The following VAC14 variants were observed in gnomAD, a reference collection of about 807,000 sequenced individuals.
The protein encoded by VAC14 is VAC14 component of PIKFYVE complex.
In VAC14, 47 loss-of-function variants were observed where a neutral mutation model predicts 85.3. The ratio of observed to expected loss-of-function variants is 0.55; its 90% CI spans 0.44 to 0.70. The LOEUF (loss-of-function observed/expected upper bound fraction) is 0.70. VAC14 is among the 30% of genes least tolerant of loss of function. VAC14 has a pLI of 0.00. For missense variants in VAC14, 861 were observed against 1,004.3 expected (o/e 0.86, Z 1.93); for synonymous variants, 447 against 430.5 (o/e 1.04, Z -0.47).
intron 9 of VAC14, among the ~76,000 whole-genome samples, chr16:70,779,899 ATCATAGC>A (rs1244145930): frequency 6.6e-6 from 1 of 151,674 alleles, no homozygotes; most frequent in Admixed American, 6.6e-5. Flanking sequence ...CAGTGGTGTG[ATCATAGC>A]TCACTGCAAC....
Position 70,762,253 on chromosome 16 carries a change from G to A in VAC14, c.1371+287C>T, listed in dbSNP as rs983554693. ...CTCCTGAGCAGCTGGGAGTACAGGC[G>A]TGCACCACCACGCCCGGCTAATTTT... is the stretch of plus-strand genomic sequence containing the variant. On this transcript the variant is annotated intron_variant, in intron 12 of 18. Coordinates refer to ENST00000261776, the MANE Select transcript of VAC14 (RefSeq NM_018052.5). The surrounding 1 kb of genome is among the most constrained non-coding windows in gnomAD (Gnocchi z 4.1). Among the ~76,000 whole-genome samples, 4 of 152,050 alleles carry A rather than the reference G, an allele frequency of 2.6e-5. No homozygotes were observed. Among genetic ancestry groups the A allele is most frequent in the Non-Finnish European group, 4.4e-5 (3 of 68,002 alleles).
chr16:70,689,018 G>A (rs1296858616), intron 18 of VAC14: 4 of 985,210 alleles, frequency 4.1e-6, no homozygotes, highest in Middle Eastern at 1.0e-3. Flanking sequence ...CAGCTAAGCA[G>A]AGAGTCTTGG....
chr16:70,756,110 C>T (rs753705656), intron 12 of VAC14: 5 of 456,686 alleles, frequency 1.1e-5, no homozygotes, highest in South Asian at 6.2e-5. Flanking sequence ...ATCTGTGGAC[C>T]GGATGGCATG....
At chr16:70,755,876 G>A (rs1020540551) in intron 12 of VAC14, 3 of 391,464 alleles carry the variant, frequency 7.7e-6, no homozygotes, top group African/African-American at 6.2e-5. Context: ...GGAGAGAGCA[G>A]CCCCAGCCAC....
At chr16:70,756,538 G>A (rs1460366759) in intron 12 of VAC14, among the ~76,000 whole-genome samples, 2 of 152,336 alleles carry the variant, frequency 1.3e-5, no homozygotes, top group South Asian at 2.1e-4. Context: ...GTGAGGGGCT[G>A]AGAGGCCCAA....
chr16:70,710,258 C>T (rs2054002909), intron 14 of VAC14, among the ~76,000 whole-genome samples: 1 of 152,228 alleles, frequency 6.6e-6, no homozygotes, highest in African/African-American at 2.4e-5. Context: ...GGACACAGAC[C>T]TCCCTTCCCT....
intron 13 of VAC14, among the ~76,000 whole-genome samples, chr16:70,738,834 G>C (rs973807547): frequency 5.3e-5 from 8 of 152,184 alleles, no homozygotes; most frequent in Non-Finnish European, 8.8e-5. Context: ...TATTCAAACT[G>C]AGCTGATGAC....
intron 13 of VAC14, 73 bp downstream of exon 13, chr16:70,744,350 C>G: frequency 2.5e-6 from 4 of 1,583,626 alleles, no homozygotes; most frequent in Non-Finnish European, 3.4e-6. Flanking sequence ...CCCAAAGGAC[C>G]GCCATGGTCC....
At chr16:70,739,920 G>A (rs1473539558) in intron 13 of VAC14, among the ~76,000 whole-genome samples, 1 of 152,096 alleles carries the variant, frequency 6.6e-6, no homozygotes, top group East Asian at 1.9e-4. Context: ...AAAACACCTT[G>A]GACCACTGAG....
intron 17 of VAC14, among the ~76,000 whole-genome samples, chr16:70,695,207 G>T (rs2053681492): frequency 6.6e-6 from 1 of 151,704 alleles, no homozygotes; most frequent in African/African-American, 2.4e-5. Context: ...AACCTCCTGG[G>T]CTCAAGTGAT....
chr16:70,715,615 C>G (rs2054148726), intron 14 of VAC14: 1 of 152,300 alleles, frequency 6.6e-6, no homozygotes, highest in South Asian at 2.1e-4. Flanking sequence ...GAGGCGAGCG[C>G]TCTTGCCCGG....
rs1339343892 is a variant in VAC14 at position 70,687,852 on chromosome 16, G to C, written c.*76C>G. ...CCCTGGTCCTGACAGGCAGGTCCTT[G>C]AGCTCCTCGGGAGGGCGTGACGACC... On this transcript the variant is annotated 3_prime_UTR_variant, in exon 19 of 19. Transcript: ENST00000261776. 4 of 1,338,902 alleles carry C rather than the reference G, an allele frequency of 3.0e-6. No individual in the cohort carries two copies. The highest frequency in any genetic ancestry group is 3.4e-5 in the Admixed American group (1 of 29,708). 82.9% of individuals were successfully genotyped at this position (1,338,902 alleles called of 1,614,324 possible).
At chr16:70,764,800 C>T (rs968876586) in intron 10 of VAC14, among the ~76,000 whole-genome samples, 2 of 152,190 alleles carry the variant, frequency 1.3e-5, no homozygotes, top group African/African-American at 2.4e-5. Context: ...ACTCAGTAGC[C>T]ACGTGGCTGC....
intron 13 of VAC14, among the ~76,000 whole-genome samples, chr16:70,734,237 C>T (rs898295786): frequency 4.6e-5 from 7 of 152,120 alleles, no homozygotes; most frequent in Non-Finnish European, 1.0e-4. Flanking sequence ...CTCCTGGGCT[C>T]GAGCAATCCT....
Position 70,731,531 on chromosome 16 carries a change from C to A in VAC14, c.1625G>T (p.Arg542Leu). The A allele has an allele frequency of 6.2e-7, 1 of 1,614,084 alleles. No individual in the cohort carries two copies. Among genetic ancestry groups the A allele is most frequent in the Non-Finnish European group, 8.5e-7 (1 of 1,179,998 alleles). ...INLLKRFSSE[R>L]KLLEVRGPFI... is the part of the protein sequence containing the mutation. ...AGGGCCTCTGACCTCCAGGAGCTTC[C>A]GTTCGCTGCTGAATCTCTTGAGAAG... is the stretch of plus-strand genomic sequence containing the variant. Residue 542 changes from arginine (R) to leucine (L), a missense_variant, in exon 14 of 19, where the codon CGG (arginine) becomes CTG (leucine). Around this residue, in one of 3 missense-constraint regions of VAC14, gnomAD observed 629 missense variants for 703.1 expected, o/e 0.89. Coordinates refer to ENST00000261776, the MANE Select transcript of VAC14 (RefSeq NM_018052.5).
intron 13 of VAC14, among the ~76,000 whole-genome samples, chr16:70,734,061 A>G (rs987014087): frequency 6.6e-6 from 1 of 152,112 alleles, no homozygotes; most frequent in Admixed American, 6.5e-5. Flanking sequence ...TGATCTCGTG[A>G]TCTGCCTGCC....
At chr16:70,761,022 TGGGGGG>T (rs112696363) in intron 12 of VAC14, 3,470 of 190,210 alleles carry the variant, frequency 0.018, 141 homozygotes, top group Middle Eastern at 0.029. Flanking sequence ...TGTGTGTGCA[TGGGGGG>T]GCGGGGGGTA....
At chr16:70,731,708 C>A in intron 13 of VAC14, 81 bp from the exon 14 acceptor site, 1 of 1,436,732 alleles carries the variant, frequency 7.0e-7, no homozygotes, top group Non-Finnish European at 9.3e-7. Context: ...ATATAAACAA[C>A]TATAAATGCC....
chr16:70,761,784 A>G (rs1314128423), intron 12 of VAC14, among the ~76,000 whole-genome samples: 1 of 152,208 alleles, frequency 6.6e-6, no homozygotes, highest in Non-Finnish European at 1.5e-5. Flanking sequence ...TAAGGGTCCA[A>G]TTTCAAACTA....
Sources: gnomAD v4.1 joint callset for allele counts (sites outside exome capture counted in the v4.1 genomes callset) on GRCh38, gnomAD v4.1.1 for gene constraint, gnomAD v4.1.1 regional missense constraint, Gnocchi (gnomAD v3.1) non-coding constraint, MANE v1.5 for transcripts, NCBI Gene and HGNC (gene_info 2026-07-23, HGNC 2026-07-21) for gene names.